NVL: variants seen among roughly 807,000 people sequenced by gnomAD.
NVL encodes the protein nuclear VCP like, also known as nuclear valosin-containing protein-like.
A neutral mutation model predicts 110.2 loss-of-function variants in NVL; 84 were observed. The observed-to-expected ratio is 0.76, with a 90% CI of 0.64 to 0.91. The LOEUF (loss-of-function observed/expected upper bound fraction) is 0.91, where lower values mean the gene tolerates loss of function less well. Ranked by LOEUF, NVL falls within the 40% of genes least tolerant of loss-of-function variation. The probability of loss-of-function intolerance (pLI) is 0.00; values close to 1 mark genes in which losing one functional copy is unlikely to be tolerated. For synonymous variants in NVL, 354 were observed against 361.1 expected, an observed-to-expected ratio of 0.98 and a Z score of 0.22; for missense variants, 882 against 1,035.9, an observed-to-expected ratio of 0.85 and a Z score of 2.04.
At position 224,242,527 on chromosome 1, in the gene NVL, C is replaced by T. The variant is rs1305020808; in HGVS notation, c.2290-5945G>A. Among the ~76,000 whole-genome samples the T allele has an allele frequency of 2.3e-5, 3 of 129,992 alleles. No homozygotes were observed. In the Admixed American group the frequency reaches 2.8e-4, roughly 12 times the overall value. The allele number at this position is 129,992 out of a possible 152,430, so 85.3% of individuals were successfully genotyped here. On this transcript the variant is annotated intron_variant, in intron 19 of 22. Transcript: ENST00000281701. ...TTTTGAGACGGAGTCTCACTCTATGCCCAGGCTGTGCAGTGGCGTGATCTC... is the reference window on the plus strand; with the variant it reads ...TTTTGAGACGGAGTCTCACTCTATGTCCAGGCTGTGCAGTGGCGTGATCTC...
intron 19 of NVL, among the ~76,000 whole-genome samples, chr1:224,242,477 C>G (rs1173833948): frequency 7.2e-6 from 1 of 139,742 alleles, no homozygotes; most frequent in East Asian, 2.2e-4. Context: ...TTTGGTCATA[C>G]AAATCTATTC....
chr1:224,287,588 A>G (rs1571954440), intron 14 of NVL, among the ~76,000 whole-genome samples, 187 bp downstream of exon 14: 2 of 152,192 alleles, frequency 1.3e-5, no homozygotes, highest in Non-Finnish European at 2.9e-5. Context: ...AAATAAACAA[A>G]TCGGATCTCA....
At position 224,284,632 on chromosome 1, in the gene NVL, G is replaced by A. The variant is rs368090538; in HGVS notation, c.1899+1394C>T. 2.2e-4 allele frequency among the ~76,000 whole-genome samples: 34 copies of A among 152,024 alleles called. 1 individual carries two copies. The South Asian group carries it at 2.7e-3, about 12-fold the overall frequency. On this transcript the variant is annotated intron_variant, in intron 15 of 22. Coordinates refer to ENST00000281701, the MANE Select transcript of NVL (RefSeq NM_002533.4). ...TGGCCTCAAGTGATCCACCCGCCTC[G>A]GCCTCCCAAAGTGCTGGGGTTACAG...
chr1:224,237,730 C>CTTTTTT lies in NVL; in HGVS notation c.2290-1154_2290-1149dup, dbSNP rs775411063. 7.8e-3 allele frequency among the ~76,000 whole-genome samples: 1,011 copies of CTTTTTT among 130,072 alleles called. 57 individuals are homozygous for CTTTTTT. The highest frequency in any genetic ancestry group is 0.012 in the African/African-American group (423 of 34,908). 85.3% of individuals were successfully genotyped at this position (130,072 alleles called of 152,430 possible). On this transcript the variant is annotated intron_variant, in intron 19 of 22. Coordinates refer to ENST00000281701, the MANE Select transcript of NVL (RefSeq NM_002533.4). ...AACTACATGCCACCATGCCTGGCTA[C>CTTTTTT]TTTTTTTTTTTTTTGAGACAGTCTC...
intron 18 of NVL, among the ~76,000 whole-genome samples, chr1:224,250,860 T>A (rs1445155420): frequency 6.6e-6 from 1 of 152,340 alleles, no homozygotes; most frequent in South Asian, 2.1e-4. Flanking sequence ...TTTCGCTATG[T>A]TGCCCAGGCT....
Position 224,296,609 on chromosome 1 carries a change from G to A in NVL, c.1072C>T (p.Pro358Ser). 1 of 1,576,848 alleles carries A rather than the reference G, an allele frequency of 6.3e-7. No individual in the cohort carries two copies. The highest frequency in any genetic ancestry group is 8.6e-7 in the Non-Finnish European group (1 of 1,158,562). ...ELFEQAVSNA[P>S]CIIFIDEIDA... ...ATTTCATCAATGAAAATGATACATGGTGCATTTGACTAGAAATAAAAATAT... is the reference window on the plus strand; with the variant it reads ...ATTTCATCAATGAAAATGATACATGATGCATTTGACTAGAAATAAAAATAT... The change falls in exon 11 of 23, where the codon CCA becomes TCA. Residue 358 changes from proline to serine, a missense_variant. Physicochemically the swap from Pro to Ser is moderately conservative, Grantham distance 74. Around this residue, in one of 4 missense-constraint regions of NVL, gnomAD observed 416 missense variants for 499.3 expected, o/e 0.83. Transcript: ENST00000281701.
At chr1:224,282,519 G>A (rs1254652758) in intron 15 of NVL, among the ~76,000 whole-genome samples, 1 of 152,190 alleles carries the variant, frequency 6.6e-6, no homozygotes, top group Non-Finnish European at 1.5e-5. Flanking sequence ...TTTACGAAGA[G>A]TCAGTGTTGA....
At chr1:224,252,016 G>A (rs1662565749) in intron 18 of NVL, among the ~76,000 whole-genome samples, 1 of 152,134 alleles carries the variant, frequency 6.6e-6, no homozygotes, top group Non-Finnish European at 1.5e-5. Context: ...ACTATGGCAG[G>A]AAATCCCTTT....
chr1:224,297,917 G>A (rs1393681396), intron 10 of NVL, among the ~76,000 whole-genome samples: 6 of 152,104 alleles, frequency 3.9e-5, no homozygotes, highest in Admixed American at 3.9e-4. Flanking sequence ...GTGTGGTGGT[G>A]CATGTCTGTA....
At chr1:224,280,325 A>C (rs1423494406) in intron 16 of NVL, among the ~76,000 whole-genome samples, 1 of 152,040 alleles carries the variant, frequency 6.6e-6, no homozygotes, top group Non-Finnish European at 1.5e-5. Context: ...TAAAGCCTCT[A>C]TTAGCTCTCT....
At chr1:224,304,259 TA>T (rs1668699086) in intron 8 of NVL, among the ~76,000 whole-genome samples, 1 of 152,072 alleles carries the variant, frequency 6.6e-6, no homozygotes, top group Non-Finnish European at 1.5e-5. Flanking sequence ...GCCCTGTCTC[TA>T]CTAAAAATAC....
In NVL at chr1:224,289,121, G is replaced by C. The variant is rs537692863; in HGVS notation, c.1575+363C>G. 11 of 206,934 alleles carry C rather than the reference G, an allele frequency of 5.3e-5. No individual in the cohort carries two copies. The East Asian group carries it at 8.4e-4, about 16-fold the overall frequency. The allele number at this position is 206,934 out of a possible 1,614,324, so 12.8% of individuals were successfully genotyped here. On this transcript the variant is annotated intron_variant, in intron 13 of 22. Coordinates refer to ENST00000281701, the MANE Select transcript of NVL (RefSeq NM_002533.4). Reference sequence around the variant, plus strand: ...CACGGTCTCTGCTGCAGACTCCTGTGTGAATTCTGCCATGAAGAACGAAAG... The same window carrying C: ...CACGGTCTCTGCTGCAGACTCCTGTCTGAATTCTGCCATGAAGAACGAAAG...
intron 22 of NVL, among the ~76,000 whole-genome samples, chr1:224,230,989 C>T (rs771557697): frequency 6.6e-6 from 1 of 151,844 alleles, no homozygotes; most frequent in South Asian, 2.1e-4. Context: ...AAAAATTAGC[C>T]GGGGATGGTG....
At chr1:224,294,096 AG>A (rs1208489341) in intron 12 of NVL, among the ~76,000 whole-genome samples, 170 bp downstream of exon 12, 3 of 152,360 alleles carry the variant, frequency 2.0e-5, no homozygotes, top group Non-Finnish European at 4.4e-5. Flanking sequence ...CACTGCACCC[AG>A]GCATAAATGA....
At chr1:224,241,348 A>G (rs768487541) in intron 19 of NVL, among the ~76,000 whole-genome samples, 1 of 152,208 alleles carries the variant, frequency 6.6e-6, no homozygotes, top group African/African-American at 2.4e-5. Context: ...ACAAAATATG[A>G]GGATTTTGGA....
chr1:224,304,664 A>T, intron 8 of NVL, 72 bp downstream of exon 8: 1 of 1,299,624 alleles, frequency 7.7e-7, no homozygotes, highest in Non-Finnish European at 1.1e-6. Flanking sequence ...TTAGAAACAA[A>T]GAGGTAGGCT....
Position 224,328,274 on chromosome 1 carries a change from C to A in NVL, c.57+1797G>T, listed in dbSNP as rs192348354. 3.6e-3 allele frequency among the ~76,000 whole-genome samples: 547 copies of A among 152,182 alleles called. 3 individuals are homozygous for A. The highest frequency in any genetic ancestry group is 0.012 in the African/African-American group (511 of 41,524). Reference sequence around the variant, plus strand: ...CTTGGCCACGCCTGTAATCCCAGCACTTTGGGAGGCTGAGGCGGGCAGATC... The same window carrying A: ...CTTGGCCACGCCTGTAATCCCAGCAATTTGGGAGGCTGAGGCGGGCAGATC... On this transcript the variant is annotated intron_variant, in intron 1 of 22. Coordinates refer to ENST00000281701, the MANE Select transcript of NVL (RefSeq NM_002533.4).
intron 19 of NVL, among the ~76,000 whole-genome samples, chr1:224,244,150 A>G (rs1250866228): frequency 6.6e-6 from 1 of 150,702 alleles, no homozygotes; most frequent in South Asian, 2.2e-4. Context: ...GGCGGATCAC[A>G]TGAGGTCGGG....
intron 18 of NVL, among the ~76,000 whole-genome samples, chr1:224,259,954 G>A (rs2102795366): frequency 6.6e-6 from 1 of 152,112 alleles, no homozygotes; most frequent in South Asian, 2.1e-4. Flanking sequence ...ACAGGCATGA[G>A]CCATCGCATC....
Sources: allele counts gnomAD v4.1 joint callset (sites outside exome capture counted in the v4.1 genomes callset), GRCh38; gene constraint gnomAD v4.1.1; regional missense constraint gnomAD v4.1.1; transcripts MANE v1.5; gene names NCBI Gene and HGNC (gene_info 2026-07-23, HGNC 2026-07-21).